The following LMNB2 variants were observed in gnomAD, a reference collection of about 807,000 sequenced individuals.
The protein encoded by LMNB2 is lamin B2.
A neutral mutation model predicts 69.3 loss-of-function variants in LMNB2; 17 were observed. The ratio of observed to expected loss-of-function variants is 0.25; its 90% CI spans 0.17 to 0.37. The LOEUF (loss-of-function observed/expected upper bound fraction) is 0.37. Ranked by LOEUF, LMNB2 falls within the 10% of genes least tolerant of loss-of-function variation. The pLI, the probability that LMNB2 is intolerant of heterozygous loss-of-function variation, is 1.00. For synonymous variants in LMNB2, 397 were observed against 389.3 expected (o/e 1.02, Z -0.23); for missense variants, 789 against 883.6 (o/e 0.89, Z 1.36).
At chr19:2,450,653 G>A (rs1972011536) in intron 1 of LMNB2, among the ~76,000 whole-genome samples, 1 of 151,648 alleles carries the variant, frequency 6.6e-6, no homozygotes, top group Non-Finnish European at 1.5e-5. Flanking sequence ...TCCAGCCTGG[G>A]CGAGCACAGG....
At chr19:2,450,647 G>T (rs1159598750) in intron 1 of LMNB2, among the ~76,000 whole-genome samples, 1 of 151,850 alleles carries the variant, frequency 6.6e-6, no homozygotes, top group Non-Finnish European at 1.5e-5. Context: ...TTGCATTCCA[G>T]CCTGGGCGAG....
In LMNB2 at chr19:2,432,501, C is replaced by T. The variant is rs991731164; in HGVS notation, c.1505G>A (p.Arg502Lys). 6.2e-7 allele frequency: 1 copy of T among 1,613,884 alleles called. No individual in the cohort carries two copies. Among genetic ancestry groups the T allele is most frequent in the Non-Finnish European group, 8.5e-7 (1 of 1,179,886 alleles). Residue 502 changes from arginine to lysine, a missense_variant, in exon 9 of 12, where the codon AGA becomes AAA. Physicochemically the swap from Arg to Lys is conservative, Grantham distance 26 (BLOSUM62 2). Transcript: ENST00000325327. ...SDKDQSLGNW[R>K]IKRQVLEGEE... ...CCCCTCCAAGACCTGCCTCTTGATTCTCCAGTTCCCCAGAGACTGATCCTG... is the reference window on the plus strand; with the variant it reads ...CCCCTCCAAGACCTGCCTCTTGATTTTCCAGTTCCCCAGAGACTGATCCTG...
rs10420914 is a variant in LMNB2 at position 2,447,186 on chromosome 19, T to C, written c.265-2646A>G. On this transcript the variant is annotated intron_variant, in intron 1 of 11. Coordinates refer to ENST00000325327, the MANE Select transcript of LMNB2 (RefSeq NM_032737.4). This position sits in a 1 kb window ranked among gnomAD's most constrained non-coding sequence, Gnocchi z 4.4. The stretch of plus-strand genomic sequence containing the variant: ...AAATAAAATGAAAAATAAAAATAAA[T>C]AAAAAAATAAAAGCAATGCGGTCCC... Among the ~76,000 whole-genome samples, 2 of 151,544 alleles carry C rather than the reference T, an allele frequency of 1.3e-5. No homozygotes were observed. Among genetic ancestry groups the C allele is most frequent in the Non-Finnish European group, 2.9e-5 (2 of 67,924 alleles).
chr19:2,455,080 C>G (rs1972072403), intron 1 of LMNB2, among the ~76,000 whole-genome samples: 1 of 152,064 alleles, frequency 6.6e-6, no homozygotes, highest in Non-Finnish European at 1.5e-5. Context: ...AAGGGACTCC[C>G]AAATTTCCCG....
At chr19:2,449,669 C>T (rs150058256) in intron 1 of LMNB2, among the ~76,000 whole-genome samples, 2,452 of 151,722 alleles carry the variant, frequency 0.016, 56 homozygotes, top group African/African-American at 0.053. Flanking sequence ...CCCAGCTACT[C>T]GGGAGGCTGA....
At chr19:2,446,695 C>T (rs1053339137) in intron 1 of LMNB2, among the ~76,000 whole-genome samples, 2 of 152,344 alleles carry the variant, frequency 1.3e-5, no homozygotes, top group Admixed American at 1.3e-4. Flanking sequence ...ATCGGAACCT[C>T]ACAGGCAGCG....
chr19:2,442,680 G>A (rs912321055), intron 2 of LMNB2, among the ~76,000 whole-genome samples: 6 of 152,110 alleles, frequency 3.9e-5, no homozygotes, highest in African/African-American at 1.2e-4. Flanking sequence ...CTGGGAGTTC[G>A]AGGCTGCAGC....
rs1465963117 is a variant in LMNB2 at position 2,443,065 on chromosome 19, T to C, written c.401+1339A>G. Among the ~76,000 whole-genome samples the C allele has an allele frequency of 6.6e-6, 1 of 152,144 alleles. No homozygotes were observed. The highest frequency in any genetic ancestry group is 2.4e-5 in the African/African-American group (1 of 41,428). On this transcript the variant is annotated intron_variant, in intron 2 of 11. Coordinates refer to ENST00000325327, the MANE Select transcript of LMNB2 (RefSeq NM_032737.4). The surrounding 1 kb of genome is among the most constrained non-coding windows in gnomAD (Gnocchi z 6.2). ...TGATGAACCTGCTTATTAAACACGG[T>C]GGGTGCTGGAGGTAGACAGCACAGA...
rs749172610 is a variant in LMNB2, at chr19:2,438,548, CAAGT to C, written c.402-21_402-18del. 17 of 1,604,992 alleles carry C rather than the reference CAAGT, an allele frequency of 1.1e-5. No individual in the cohort carries two copies. In the South Asian group the frequency reaches 1.9e-4, roughly 18 times the overall value. On this transcript the variant is annotated intron_variant, in intron 2 of 11. Coordinates refer to ENST00000325327, the MANE Select transcript of LMNB2 (RefSeq NM_032737.4). ...TTCTTGGCGCTGAAAGTCAAGAGGG[CAAGT>C]GAGTGGGGAGGGGCAAGGTCCATGG...
chr19:2,456,044 C>T (rs1338950953), intron 1 of LMNB2, among the ~76,000 whole-genome samples: 1 of 150,274 alleles, frequency 6.7e-6, no homozygotes, highest in Non-Finnish European at 1.5e-5. Context: ...ATCCAGGAGC[C>T]CCCCGCAAAC....
chr19:2,440,541 TACCCATCATCCATCCATCCATCC>T (rs914860310), intron 2 of LMNB2, among the ~76,000 whole-genome samples: 10 of 152,076 alleles, frequency 6.6e-5, no homozygotes, highest in Non-Finnish European at 1.2e-4. Context: ...TCTATCCATC[TACCCATCATCCATCCATCCATCC>T]ACCCATCATC....
chr19:2,440,221 G>A (rs1307377849), intron 2 of LMNB2, among the ~76,000 whole-genome samples: 5 of 142,016 alleles, frequency 3.5e-5, no homozygotes, highest in South Asian at 2.2e-4. Context: ...ATGGAGTTTC[G>A]CTCTTGTTGC....
chr19:2,453,930 G>A lies in LMNB2; in HGVS notation c.264+2740C>T, dbSNP rs577616060. Reference sequence around the variant, plus strand: ...GCGGCCTCTAAGTTGGGACAACTCCGCACTGGACAGATGGCAAGATGGAGG... The same window carrying A: ...GCGGCCTCTAAGTTGGGACAACTCCACACTGGACAGATGGCAAGATGGAGG... On this transcript the variant is annotated intron_variant, in intron 1 of 11. Coordinates refer to ENST00000325327, the MANE Select transcript of LMNB2 (RefSeq NM_032737.4). This position sits in a 1 kb window ranked among gnomAD's most constrained non-coding sequence, Gnocchi z 4.4. 3.2e-3 allele frequency among the ~76,000 whole-genome samples: 482 copies of A among 152,294 alleles called. 3 individuals are homozygous for A. The highest frequency in any genetic ancestry group is 6.8e-3 in the Middle Eastern group (2 of 294).
At position 2,443,630 on chromosome 19, in the gene LMNB2, C is replaced by T. The variant is rs544057892; in HGVS notation, c.401+774G>A. ...GAGGCACCTGCAGGTGCCTGAATGC[C>T]GGTGGCCGGAGACCACGGAAGACAG... is the stretch of plus-strand genomic sequence containing the variant. On this transcript the variant is annotated intron_variant, in intron 2 of 11. Coordinates refer to ENST00000325327, the MANE Select transcript of LMNB2 (RefSeq NM_032737.4). The surrounding 1 kb of genome is among the most constrained non-coding windows in gnomAD (Gnocchi z 6.2). 3.3e-5 allele frequency among the ~76,000 whole-genome samples: 5 copies of T among 152,246 alleles called. No individual in the cohort carries two copies. In the South Asian group the frequency reaches 6.2e-4, roughly 19 times the overall value.
chr19:2,432,350 C>G (rs1971750777), intron 9 of LMNB2, 66 bp downstream of exon 9: 1 of 1,139,830 alleles, frequency 8.8e-7, no homozygotes, highest in Non-Finnish European at 1.3e-6. Context: ...TCCTGTGCCT[C>G]CAGTCCCCTG....
At position 2,430,966 on chromosome 19, in the gene LMNB2, G is replaced by A. The variant is rs1300810443; in HGVS notation, c.1822-14C>T. On this transcript the variant is annotated splice_polypyrimidine_tract_variant and intron_variant, in intron 11 of 11. Transcript: ENST00000325327. ...CCTCGGGTCCCCCTGCAGGAAGGAA[G>A]GAAGGAAGGTCGGCCATGATCAGGG... The A allele has an allele frequency of 1.1e-5, 18 of 1,606,208 alleles. No homozygotes were observed. Among genetic ancestry groups the A allele is most frequent in the Non-Finnish European group, 1.4e-5 (17 of 1,173,586 alleles).
Position 2,438,174 on chromosome 19 carries a change from C to T in LMNB2, c.673G>A (p.Val225Met). The T allele has an allele frequency of 1.9e-6, 3 of 1,613,994 alleles. No individual in the cohort carries two copies. The highest frequency in any genetic ancestry group is 2.5e-6 in the Non-Finnish European group (3 of 1,180,032). Residue 225 changes from valine (V) to methionine (M), a missense_variant, in exon 4 of 12, where the codon GTG becomes ATG. By Grantham distance (21) the Val-to-Met change is conservative (BLOSUM62 1). Transcript: ENST00000325327. The part of the protein sequence containing the change: ...LQEELDFRKS[V>M]FEEEVRETRR... ...GGCCACTCACTCACCTCCTCGAACA[C>T]ACTCTTCCGGAAGTCCAGCTCCTCC...
intron 9 of LMNB2, 69 bp from the exon 10 acceptor site, chr19:2,431,971 C>T (rs1479940389): frequency 1.5e-5 from 23 of 1,548,952 alleles, no homozygotes; most frequent in Non-Finnish European, 1.9e-5. Context: ...CAGCCAGTGG[C>T]CCCTACCACA....
At chr19:2,434,228 C>A in intron 7 of LMNB2, 67 bp downstream of exon 7, 1 of 1,575,932 alleles carries the variant, frequency 6.3e-7, no homozygotes, top group Non-Finnish European at 8.6e-7. Flanking sequence ...GCAGCCCCGT[C>A]CCGCCTCTCC....
Sources: gnomAD v4.1 joint callset for allele counts (sites outside exome capture counted in the v4.1 genomes callset) on GRCh38, gnomAD v4.1.1 for gene constraint, Gnocchi (gnomAD v3.1) non-coding constraint, MANE v1.5 for transcripts, NCBI Gene and HGNC (gene_info 2026-07-23, HGNC 2026-07-21) for gene names.